The following PHACTR1 variants were observed in gnomAD, a reference collection of about 807,000 sequenced individuals.
The protein encoded by PHACTR1 is RPEL repeat containing 1.
In PHACTR1, 16 loss-of-function variants were observed where a neutral mutation model predicts 69.2. The observed-to-expected ratio is 0.23, with a 90% CI of 0.16 to 0.35. The LOEUF (loss-of-function observed/expected upper bound fraction) is 0.35. Among genes scored for constraint, PHACTR1 ranks in the 10% least tolerant of loss-of-function variants. The pLI, the probability that PHACTR1 is intolerant of heterozygous loss-of-function variation, is 1.00. For missense variants in PHACTR1, 510 were observed against 734.7 expected, an observed-to-expected ratio of 0.69 and a Z score of 3.54; for synonymous variants, 312 against 284.5, an observed-to-expected ratio of 1.10 and a Z score of -0.97.
intron 6 of PHACTR1, among the ~76,000 whole-genome samples, chr6:13,181,442 G>A (rs944892308): frequency 3.3e-5 from 5 of 152,116 alleles, no homozygotes; most frequent in Non-Finnish European, 7.3e-5. Context: ...TATTCATCTC[G>A]CTGGAACAGC....
intron 4 of PHACTR1, among the ~76,000 whole-genome samples, chr6:12,999,258 G>A (rs1797797420): frequency 6.6e-6 from 1 of 152,218 alleles, no homozygotes; most frequent in African/African-American, 2.4e-5. Context: ...TAATGCAACA[G>A]GAAATATGAA....
At chr6:12,741,203 T>C (rs1015782805) in intron 3 of PHACTR1, among the ~76,000 whole-genome samples, 6 of 152,170 alleles carry the variant, frequency 3.9e-5, no homozygotes, top group African/African-American at 1.4e-4. Context: ...AGTGGTGTCT[T>C]ATGATGAACA....
intron 5 of PHACTR1, among the ~76,000 whole-genome samples, chr6:13,098,270 C>A (rs998744780): frequency 5.9e-5 from 9 of 152,296 alleles, no homozygotes; most frequent in Admixed American, 5.9e-4. Flanking sequence ...AGAATATTTA[C>A]CCAATTGAAC....
chr6:12,889,580 CT>C (rs1169895969), intron 4 of PHACTR1, among the ~76,000 whole-genome samples: 1 of 152,088 alleles, frequency 6.6e-6, no homozygotes, highest in Non-Finnish European at 1.5e-5. Flanking sequence ...GCTAACCAGT[CT>C]TTCTTTAGCT....
At chr6:12,981,575 T>G (rs1463151407) in intron 4 of PHACTR1, among the ~76,000 whole-genome samples, 1 of 152,236 alleles carries the variant, frequency 6.6e-6, no homozygotes, top group Admixed American at 6.5e-5. Flanking sequence ...TACCTGTTAT[T>G]TGAATTGCCA....
chr6:13,105,290 G>T (rs565183854), intron 5 of PHACTR1, among the ~76,000 whole-genome samples: 1 of 152,064 alleles, frequency 6.6e-6, no homozygotes, highest in Non-Finnish European at 1.5e-5. Context: ...GAGTTGGGGG[G>T]ATCACTTGTG....
chr6:12,847,719 T>A (rs1247296439), intron 4 of PHACTR1, among the ~76,000 whole-genome samples: 1 of 152,130 alleles, frequency 6.6e-6, no homozygotes, highest in Non-Finnish European at 1.5e-5. Flanking sequence ...TAATTAAGAT[T>A]CATGGTAATA....
chr6:12,897,835 G>A (rs553098009), intron 4 of PHACTR1, among the ~76,000 whole-genome samples: 1 of 151,966 alleles, frequency 6.6e-6, no homozygotes, highest in South Asian at 2.1e-4. Context: ...ACCTACATTA[G>A]GTATTTCTCC....
rs1018487845 is a variant in PHACTR1, at chr6:12,766,705, T to C, written c.250+16915T>C. Among the ~76,000 whole-genome samples the C allele has an allele frequency of 2.6e-5, 4 of 152,326 alleles. No homozygotes were observed. The East Asian group carries it at 7.7e-4, about 29-fold the overall frequency. On this transcript the variant is annotated intron_variant, in intron 4 of 14. Transcript: ENST00000332995. ...AGTCGAGTATGATATTTAATAGACA[T>C]ACTGTCAGCACTATCTAAGTACACA...
intron 5 of PHACTR1, among the ~76,000 whole-genome samples, chr6:13,091,941 G>A (rs1357304208): frequency 2.0e-5 from 3 of 152,156 alleles, no homozygotes; most frequent in African/African-American, 4.8e-5. Context: ...GGGACTGCAG[G>A]CGCATATGAC....
chr6:12,944,740 T>C (rs2127544546), intron 4 of PHACTR1, among the ~76,000 whole-genome samples: 1 of 151,842 alleles, frequency 6.6e-6, no homozygotes, highest in Non-Finnish European at 1.5e-5. Flanking sequence ...GGTGAAGACG[T>C]CGTCACCTTT....
chr6:13,063,313 T>C (rs1316108808), intron 5 of PHACTR1, among the ~76,000 whole-genome samples: 1 of 152,066 alleles, frequency 6.6e-6, no homozygotes, highest in Non-Finnish European at 1.5e-5. Context: ...TTTGAGAGCT[T>C]GAAGGAGACA....
intron 5 of PHACTR1, among the ~76,000 whole-genome samples, chr6:13,122,635 C>T (rs1262189649): frequency 1.3e-5 from 2 of 152,154 alleles, no homozygotes; most frequent in East Asian, 3.8e-4. Flanking sequence ...TTGTACTGAT[C>T]TTTCTACTTT....
intron 4 of PHACTR1, among the ~76,000 whole-genome samples, chr6:12,989,053 C>G (rs890232698): frequency 1.3e-5 from 2 of 152,180 alleles, no homozygotes; most frequent in Non-Finnish European, 2.9e-5. Context: ...ACTGTATTAA[C>G]CACTCAAGAT....
At chr6:12,876,495 T>C (rs189273689) in intron 4 of PHACTR1, among the ~76,000 whole-genome samples, 1 of 152,274 alleles carries the variant, frequency 6.6e-6, no homozygotes, top group Non-Finnish European at 1.5e-5. Flanking sequence ...AAAATGATCT[T>C]CTAAACTTCA....
At chr6:12,870,548 T>C (rs944274971) in intron 4 of PHACTR1, among the ~76,000 whole-genome samples, 1 of 152,218 alleles carries the variant, frequency 6.6e-6, no homozygotes, top group Non-Finnish European at 1.5e-5. Context: ...GGAATTTTAT[T>C]TGAAGGGTCT....
intron 4 of PHACTR1, among the ~76,000 whole-genome samples, chr6:13,014,792 C>T (rs1049147891): frequency 1.3e-5 from 2 of 152,196 alleles, no homozygotes; most frequent in African/African-American, 2.4e-5. Flanking sequence ...GCCAGAGCTC[C>T]CGCAGTCTAA....
chr6:12,907,505 TG>T (rs1205625628), intron 4 of PHACTR1, among the ~76,000 whole-genome samples: 2 of 152,222 alleles, frequency 1.3e-5, no homozygotes, highest in African/African-American at 4.8e-5. Flanking sequence ...GAACTACTTG[TG>T]GAGGTCATTT....
intron 4 of PHACTR1, among the ~76,000 whole-genome samples, chr6:12,989,993 G>A (rs186107009): frequency 1.3e-5 from 2 of 152,144 alleles, no homozygotes; most frequent in African/African-American, 4.8e-5. Flanking sequence ...TAAGAGAGCG[G>A]GTCTCACTCT....
Sources: allele counts gnomAD v4.1 joint callset (sites outside exome capture counted in the v4.1 genomes callset), GRCh38; gene constraint gnomAD v4.1.1; transcripts MANE v1.5; gene names NCBI Gene and HGNC (gene_info 2026-07-23, HGNC 2026-07-21).